LOC128462377: variants seen among roughly 807,000 people sequenced by gnomAD.
the LOC128462377 span, among the ~76,000 whole-genome samples, chr16:89,373,951 C>T: frequency 6.6e-6 from 1 of 152,360 alleles, no homozygotes; most frequent in East Asian, 1.9e-4. Flanking sequence ...ACCAAGCGGG[C>T]TGGGGCCCTG....
chr16:89,354,288 T>C, the LOC128462377 span, among the ~76,000 whole-genome samples: 28 of 150,960 alleles, frequency 1.9e-4, no homozygotes, highest in African/African-American at 6.6e-4. Context: ...ACACTGTATC[T>C]CACCCTAGAA....
chr16:89,326,322 C>T, the LOC128462377 span, among the ~76,000 whole-genome samples: 17 of 152,200 alleles, frequency 1.1e-4, no homozygotes, highest in East Asian at 1.9e-3. Flanking sequence ...TGGGGTGTCA[C>T]GCACCGTTGC....
At chr16:89,366,977 G>A in the LOC128462377 span, among the ~76,000 whole-genome samples, 1 of 152,186 alleles carries the variant, frequency 6.6e-6, no homozygotes, top group Non-Finnish European at 1.5e-5. Flanking sequence ...GATTAGGTCC[G>A]CTGATTGTGG....
At chr16:89,371,602 G>C in the LOC128462377 span, among the ~76,000 whole-genome samples, 3 of 152,290 alleles carry the variant, frequency 2.0e-5, no homozygotes, top group Admixed American at 1.3e-4. Flanking sequence ...CCACATTCAA[G>C]GGTGCTGTGC....
the LOC128462377 span, among the ~76,000 whole-genome samples, chr16:89,411,525 T>C: frequency 6.6e-6 from 1 of 152,166 alleles, no homozygotes; most frequent in Admixed American, 6.5e-5. Context: ...GAGATCCTCC[T>C]ACCTCAACCT....
At chr16:89,318,555 T>C in the LOC128462377 span, among the ~76,000 whole-genome samples, 1 of 110,706 alleles carries the variant, frequency 9.0e-6, no homozygotes, top group Non-Finnish European at 2.1e-5. Flanking sequence ...AAACACGATG[T>C]GCAGACCCAT....
chr16:89,323,383 G>A, the LOC128462377 span: 1 of 1,267,846 alleles, frequency 7.9e-7, no homozygotes, highest in South Asian at 1.2e-5. Flanking sequence ...ATCTCAGTGG[G>A]CAAGGGGAGA....
At chr16:89,359,178 A>G in the LOC128462377 span, among the ~76,000 whole-genome samples, 5 of 152,204 alleles carry the variant, frequency 3.3e-5, no homozygotes, top group African/African-American at 9.7e-5. Context: ...TCAATCTGAA[A>G]CAAGATCACG....
chr16:89,373,989 G>C, the LOC128462377 span, among the ~76,000 whole-genome samples: 2 of 152,242 alleles, frequency 1.3e-5, no homozygotes, highest in Non-Finnish European at 2.9e-5. Flanking sequence ...AGAAGGGTCT[G>C]ACGACCACAA....
chr16:89,340,173 T>C, the LOC128462377 span, among the ~76,000 whole-genome samples: 7 of 152,276 alleles, frequency 4.6e-5, no homozygotes, highest in Non-Finnish European at 7.3e-5. Flanking sequence ...AGCAAGAAAC[T>C]GTAAAATGCT....
chr16:89,407,792 A>C, the LOC128462377 span, among the ~76,000 whole-genome samples: 1 of 149,508 alleles, frequency 6.7e-6, no homozygotes, highest in African/African-American at 2.5e-5. Flanking sequence ...AGAGGCTGCA[A>C]TGAGCCGTGA....
chr16:89,408,602 G>C, the LOC128462377 span, among the ~76,000 whole-genome samples: 630 of 152,288 alleles, frequency 4.1e-3, 4 homozygotes, highest in Middle Eastern at 6.8e-3. Flanking sequence ...CAGACCCTCA[G>C]GAAGAGCATG....
At chr16:89,396,635 T>A in the LOC128462377 span, among the ~76,000 whole-genome samples, 2 of 152,048 alleles carry the variant, frequency 1.3e-5, no homozygotes, top group Non-Finnish European at 2.9e-5. Context: ...AAGCCACACA[T>A]TAATGGGGTT....
chr16:89,341,645 G>A, the LOC128462377 span, among the ~76,000 whole-genome samples: 2 of 152,212 alleles, frequency 1.3e-5, no homozygotes, highest in Non-Finnish European at 2.9e-5. Context: ...CGTTAACACT[G>A]GGAGCAATGC....
chr16:89,380,236 C>G, the LOC128462377 span, among the ~76,000 whole-genome samples: 1 of 152,148 alleles, frequency 6.6e-6, no homozygotes, highest in African/African-American at 2.4e-5. Flanking sequence ...TCTCTGCCCC[C>G]CGAGTAGTTG....
At chr16:89,379,639 AC>A in the LOC128462377 span, among the ~76,000 whole-genome samples, 7 of 152,086 alleles carry the variant, frequency 4.6e-5, no homozygotes, top group African/African-American at 1.7e-4. Context: ...CTGCTCCACC[AC>A]TGCTCTCTGC....
At chr16:89,389,794 G>C in the LOC128462377 span, among the ~76,000 whole-genome samples, 52,369 of 121,348 alleles carry the variant, frequency 0.43, 11,461 homozygotes, top group Middle Eastern at 0.59. Context: ...CACCGAGTGT[G>C]GCGGGGAGCA....
the LOC128462377 span, among the ~76,000 whole-genome samples, chr16:89,337,157 C>T: frequency 1.8e-3 from 269 of 151,998 alleles, 2 homozygotes; most frequent in African/African-American, 5.7e-3. Flanking sequence ...CTCTACTCCA[C>T]CCTGGGCAAC....
At chr16:89,403,596 T>TTAAG in the LOC128462377 span, 1 of 151,946 alleles carries the variant, frequency 6.6e-6, no homozygotes, top group African/African-American at 2.4e-5. Context: ...CAGAGACCAC[T>TTAAG]TACATAAAAG....
Sources: allele counts gnomAD v4.1 joint callset (sites outside exome capture counted in the v4.1 genomes callset), GRCh38; gene constraint gnomAD v4.1.1; transcripts MANE v1.5.